The following ADAP1 variants were observed in gnomAD, a reference collection of about 807,000 sequenced individuals.
ADAP1 encodes the protein arf-GAP with dual PH domain-containing protein 1.
In ADAP1, 31 loss-of-function variants were observed where a neutral mutation model predicts 54.9. The observed-to-expected ratio is 0.56, with a 90% CI of 0.42 to 0.76. The LOEUF (loss-of-function observed/expected upper bound fraction) is 0.76. Among genes scored for constraint, ADAP1 ranks in the 30% least tolerant of loss-of-function variants. The pLI, the probability that ADAP1 is intolerant of heterozygous loss-of-function variation, is 0.00. For synonymous variants in ADAP1, 313 were observed against 202.6 expected (o/e 1.55, Z -4.63); for missense variants, 535 against 512.4 (o/e 1.04, Z -0.42).
In ADAP1 at chr7:938,269, C is replaced by A. The variant is rs1846839438; in HGVS notation, c.83-2764G>T. Among the ~76,000 whole-genome samples the A allele has an allele frequency of 6.6e-6, 1 of 152,104 alleles. No individual in the cohort carries two copies. The highest frequency in any genetic ancestry group is 2.1e-4 in the South Asian group (1 of 4,818). On this transcript the variant is annotated intron_variant, in intron 1 of 10. Coordinates refer to ENST00000265846, the MANE Select transcript of ADAP1 (RefSeq NM_006869.4). This position sits in a 1 kb window ranked among gnomAD's most constrained non-coding sequence, Gnocchi z 4.4. Reference sequence around the variant, plus strand: ...GCTCACAGCTCACTGCAGCCTCCAACGCCTGGGCTCAAGCGATCCTCCTGC... The same window carrying A: ...GCTCACAGCTCACTGCAGCCTCCAAAGCCTGGGCTCAAGCGATCCTCCTGC...
rs377022553 is a variant in ADAP1 at position 945,723 on chromosome 7, C to T, written c.82+8673G>A. ...CTCGGAGACTGCCCACAGCCGCCAG[C>T]CTCTTTCCCTCCCTCCTCCCAGCCC... On this transcript the variant is annotated intron_variant, in intron 1 of 10. Coordinates refer to ENST00000265846, the MANE Select transcript of ADAP1 (RefSeq NM_006869.4). This position sits in a 1 kb window ranked among gnomAD's most constrained non-coding sequence, Gnocchi z 4.2. The T allele has an allele frequency of 4.1e-6, 4 of 985,296 alleles. No individual in the cohort carries two copies. Among genetic ancestry groups the T allele is most frequent in the Non-Finnish European group, 4.8e-6 (4 of 829,680 alleles). 61.0% of individuals were successfully genotyped at this position (985,296 alleles called of 1,614,324 possible).
At chr7:929,291 CAAA>C (rs761570809) in intron 2 of ADAP1, among the ~76,000 whole-genome samples, 6 of 95,950 alleles carry the variant, frequency 6.3e-5, no homozygotes, top group Admixed American at 1.1e-4. Context: ...GACTCCATCT[CAAA>C]AAAAAAAAAA....
intron 1 of ADAP1, among the ~76,000 whole-genome samples, chr7:943,929 T>A (rs1196413545): frequency 6.6e-6 from 1 of 151,874 alleles, no homozygotes; most frequent in African/African-American, 2.4e-5. Flanking sequence ...ATTATTATTA[T>A]TATTGAGACA....
chr7:919,211 G>A (rs1846060384), intron 4 of ADAP1, among the ~76,000 whole-genome samples: 1 of 152,234 alleles, frequency 6.6e-6, no homozygotes, highest in Non-Finnish European at 1.5e-5. Flanking sequence ...CCCACCTGCA[G>A]CACAGTGTTG....
At chr7:901,203 G>GCA (rs1211185535) in intron 6 of ADAP1, 4 of 359,254 alleles carry the variant, frequency 1.1e-5, no homozygotes, top group Non-Finnish European at 2.2e-5. Flanking sequence ...CCCAGGCCTG[G>GCA]CACCCAGCCC....
intron 6 of ADAP1, among the ~76,000 whole-genome samples, chr7:903,453 T>C (rs899296910): frequency 1.3e-5 from 2 of 151,998 alleles, no homozygotes; most frequent in African/African-American, 2.4e-5. Context: ...ACCTCAAACT[T>C]CTGTTTCTCA....
intron 2 of ADAP1, among the ~76,000 whole-genome samples, chr7:931,867 G>A (rs1484903139): frequency 1.3e-5 from 2 of 152,080 alleles, no homozygotes; most frequent in Admixed American, 6.5e-5. Flanking sequence ...CCTCAGCAAC[G>A]GCCACCTCAG....
chr7:899,799 TG>T (rs1288776266), intron 8 of ADAP1, among the ~76,000 whole-genome samples: 1 of 151,588 alleles, frequency 6.6e-6, no homozygotes, highest in Admixed American at 6.6e-5. Flanking sequence ...TCCCAGGATT[TG>T]TGTCTCCCTC....
chr7:943,208 G>A, intron 1 of ADAP1, among the ~76,000 whole-genome samples: 1 of 59,252 alleles, frequency 1.7e-5, no homozygotes, highest in Non-Finnish European at 3.6e-5. Flanking sequence ...GGAAGGGAGT[G>A]AGGAGGAGGA....
chr7:915,937 C>T (rs571759854), intron 4 of ADAP1, among the ~76,000 whole-genome samples: 4 of 151,582 alleles, frequency 2.6e-5, no homozygotes, highest in East Asian at 1.9e-4. Context: ...CACGAGATGC[C>T]GTCTGCCACC....
chr7:900,924 A>T, intron 6 of ADAP1: 1 of 570,098 alleles, frequency 1.8e-6, no homozygotes, highest in Non-Finnish European at 3.4e-6. Flanking sequence ...GGGGGCTGCC[A>T]TCCAAGCTCA....
chr7:897,924 T>G lies in ADAP1; in HGVS notation c.*997A>C, dbSNP rs1844581936. ...CTGGAACCATGCCAGAGCCACATTT[T>G]ATTCCAGGATGCGACACGGGGCGGC... On this transcript the variant is annotated 3_prime_UTR_variant, in exon 11 of 11. Transcript: ENST00000265846. The G allele has an allele frequency of 6.6e-6, 1 of 152,238 alleles. No homozygotes were observed. The highest frequency in any genetic ancestry group is 1.5e-5 in the Non-Finnish European group (1 of 68,074). 9.4% of individuals were successfully genotyped at this position (152,238 alleles called of 1,614,324 possible).
chr7:906,526 G>A (rs367599988), intron 4 of ADAP1, among the ~76,000 whole-genome samples: 320 of 26,220 alleles, frequency 0.012, 64 homozygotes, highest in Middle Eastern at 0.028. Flanking sequence ...AAGGAGAAAG[G>A]GAAAGGAGAA....
At chr7:919,880 T>TGGGG in intron 4 of ADAP1, 88 bp downstream of exon 4, 1 of 368,424 alleles carries the variant, frequency 2.7e-6, no homozygotes, top group Non-Finnish European at 3.9e-6. Flanking sequence ...GGGAAAGAGA[T>TGGGG]GGGGGAGGGA....
chr7:920,867 CT>C lies in ADAP1; in HGVS notation c.306-818del. 1 of 1,550,204 alleles carries C rather than the reference CT, an allele frequency of 6.5e-7. No homozygotes were observed. On this transcript the variant is annotated intron_variant, in intron 3 of 10. Coordinates refer to ENST00000265846, the MANE Select transcript of ADAP1 (RefSeq NM_006869.4). The surrounding 1 kb of genome is among the most constrained non-coding windows in gnomAD (Gnocchi z 4.5). ...CAGGTGCACAGGCAGCCGCCCCAGC[CT>C]TTTCCACTCCCAGGGAATTACGCGG...
intron 7 of ADAP1, 93 bp downstream of exon 7, chr7:900,440 A>G: frequency 1.5e-6 from 2 of 1,364,704 alleles, no homozygotes; most frequent in African/African-American, 1.4e-5. Context: ...CTAGGGCTCA[A>G]CATCATCCCA....
chr7:927,507 G>A (rs1434703947), intron 2 of ADAP1: 6 of 470,442 alleles, frequency 1.3e-5, no homozygotes, highest in Admixed American at 2.4e-5. Flanking sequence ...GCCTGAGGCC[G>A]CAGCCAGGCC....
At chr7:904,947 G>A (rs1845027318) in intron 5 of ADAP1, 113 bp downstream of exon 5, 4 of 884,466 alleles carry the variant, frequency 4.5e-6, no homozygotes, top group South Asian at 4.4e-5. Flanking sequence ...CCCCATCGGG[G>A]GGGGCAGCAG....
upstream of ADAP1, chr7:955,365 C>T: frequency 6.5e-7 from 1 of 1,550,360 alleles, no homozygotes; most frequent in Non-Finnish European, 8.7e-7. Context: ...TTTCTTCTTG[C>T]AGGGTTAATG....
Sources: gnomAD v4.1 joint callset for allele counts (sites outside exome capture counted in the v4.1 genomes callset) on GRCh38, gnomAD v4.1.1 for gene constraint, Gnocchi (gnomAD v3.1) non-coding constraint, MANE v1.5 for transcripts, NCBI Gene and HGNC (gene_info 2026-07-23, HGNC 2026-07-21) for gene names.